RGMA: variants seen among roughly 807,000 people sequenced by gnomAD.
RGMA encodes the protein repulsive guidance molecule BMP co-receptor a, also known as repulsive guidance molecule A.
Under a neutral mutation model 23.2 loss-of-function variants are expected in RGMA, and 10 were observed. The observed-to-expected ratio is 0.43, with a 90% CI of 0.27 to 0.73. RGMA has a LOEUF of 0.73. RGMA is among the 30% of genes least tolerant of loss of function. The pLI, the probability that RGMA is intolerant of heterozygous loss-of-function variation, is 0.20. For missense variants in RGMA, 547 were observed against 630.5 expected, an observed-to-expected ratio of 0.87 and a Z score of 1.42; for synonymous variants, 308 against 279.3, an observed-to-expected ratio of 1.10 and a Z score of -1.03.
At position 93,045,903 on chromosome 15, in the gene RGMA, C is replaced by A. The variant is rs1422027868; in HGVS notation, c.646-198G>T. Among the ~76,000 whole-genome samples, 1 of 152,212 alleles carries A rather than the reference C, an allele frequency of 6.6e-6. No homozygotes were observed. The highest frequency in any genetic ancestry group is 1.5e-5 in the Non-Finnish European group (1 of 68,044). On this transcript the variant is annotated intron_variant, in intron 3 of 3. Coordinates refer to ENST00000329082, the MANE Select transcript of RGMA (RefSeq NM_020211.3). The surrounding 1 kb of genome is among the most constrained non-coding windows in gnomAD (Gnocchi z 6.9). Reference sequence around the variant, plus strand: ...ACATTCTTTCAATGAAAACAACTTGCCCTTTTTACTTTAAAAAGTGACTTA... The same window carrying A: ...ACATTCTTTCAATGAAAACAACTTGACCTTTTTACTTTAAAAAGTGACTTA...
At position 93,065,712 on chromosome 15, in the gene RGMA, G is replaced by A; in HGVS notation, c.130+7204C>T. The A allele has an allele frequency of 2.5e-6, 3 of 1,198,756 alleles. No homozygotes were observed. The South Asian group carries it at 3.6e-5, about 14-fold the overall frequency. The allele number at this position is 1,198,756 out of a possible 1,614,324, so 74.3% of individuals were successfully genotyped here. A position where few individuals can be genotyped will look rare whatever the true frequency, so the allele number is the denominator to read the frequency against. ...AGTAGGGGTGGTTTCGTGGGCCCTG[G>A]GGCTCAGGCCGGGGACCATCAGCGG... On this transcript the variant is annotated intron_variant, in intron 2 of 3. Coordinates refer to ENST00000329082, the MANE Select transcript of RGMA (RefSeq NM_020211.3).
intron 2 of RGMA, chr15:93,066,740 T>C (rs1053929820): frequency 3.0e-6 from 1 of 332,550 alleles, no homozygotes; most frequent in Middle Eastern, 1.1e-3. Flanking sequence ...CTTAAACTCC[T>C]GACCTCAAGT....
chr15:93,037,867 C>T lies in RGMA; in HGVS notation c.*7131G>A, dbSNP rs575409123. On this transcript the variant is annotated 3_prime_UTR_variant, in exon 4 of 4. Transcript: ENST00000329082. The surrounding 1 kb of genome is among the most constrained non-coding windows in gnomAD (Gnocchi z 4.3). ...GCAAGGACAGGGTGATGCTGGGCGA[C>T]ATGAATGTTTTCGCCTTGGGATCTG... 6.6e-6 allele frequency: 1 copy of T among 152,260 alleles called. No homozygotes were observed. The highest frequency in any genetic ancestry group is 1.5e-5 in the Non-Finnish European group (1 of 68,082). 9.4% of individuals were successfully genotyped at this position (152,260 alleles called of 1,614,324 possible). A position where few individuals can be genotyped will look rare whatever the true frequency, so the allele number is the denominator to read the frequency against.
chr15:93,083,691 A>T (rs1382868763), intron 1 of RGMA, among the ~76,000 whole-genome samples: 2 of 152,210 alleles, frequency 1.3e-5, no homozygotes, highest in Non-Finnish European at 2.9e-5. Context: ...AGTTGCACTG[A>T]CTGATATACA....
chr15:93,047,831 G>A (rs1596079919), intron 3 of RGMA, among the ~76,000 whole-genome samples: 1 of 152,214 alleles, frequency 6.6e-6, no homozygotes. Context: ...GATGTGTGGC[G>A]AGGGCACAGT....
chr15:93,071,642 C>G (rs1203496613), intron 2 of RGMA, among the ~76,000 whole-genome samples: 1 of 152,210 alleles, frequency 6.6e-6, no homozygotes, highest in Non-Finnish European at 1.5e-5. Context: ...TCGCTCCCTA[C>G]TGTTCACTGT....
intron 2 of RGMA, among the ~76,000 whole-genome samples, chr15:93,053,826 C>T (rs1482112105): frequency 6.6e-6 from 1 of 152,320 alleles, no homozygotes; most frequent in South Asian, 2.1e-4. Context: ...CCCCCCTTCA[C>T]GTGACCCGTT....
intron 2 of RGMA, chr15:93,066,222 G>A (rs753293445): frequency 7.1e-7 from 1 of 1,408,196 alleles, no homozygotes; most frequent in Non-Finnish European, 1.0e-6. Context: ...CATCTCCAAC[G>A]CTGCGCAGAA....
At chr15:93,085,552 C>T (rs1163447186) in intron 1 of RGMA, among the ~76,000 whole-genome samples, 1 of 152,256 alleles carries the variant, frequency 6.6e-6, no homozygotes. Flanking sequence ...TCTGCATAAA[C>T]TGTTTGCTAC....
At chr15:93,062,991 G>A (rs1303828356) in intron 2 of RGMA, 1 of 152,310 alleles carries the variant, frequency 6.6e-6, no homozygotes, top group African/African-American at 2.4e-5. Context: ...CCAGCCTAAG[G>A]ATTTCTGCTT....
rs1042979107 is a variant in RGMA, at chr15:93,045,983, G to C, written c.646-278C>G. 6.6e-6 allele frequency among the ~76,000 whole-genome samples: 1 copy of C among 152,166 alleles called. No homozygotes were observed. The highest frequency in any genetic ancestry group is 1.5e-5 in the Non-Finnish European group (1 of 68,030). The stretch of plus-strand genomic sequence containing the variant: ...AAAACTAGCTCTTTTACTATATAGG[G>C]AAGTGAACCAGAAAAATAAAAGCAT... On this transcript the variant is annotated intron_variant, in intron 3 of 3. Coordinates refer to ENST00000329082, the MANE Select transcript of RGMA (RefSeq NM_020211.3). This position sits in a 1 kb window ranked among gnomAD's most constrained non-coding sequence, Gnocchi z 6.9.
chr15:93,052,519 G>C lies in RGMA; in HGVS notation c.131-12C>G. On this transcript the variant is annotated splice_polypyrimidine_tract_variant and intron_variant, in intron 2 of 3. Coordinates refer to ENST00000329082, the MANE Select transcript of RGMA (RefSeq NM_020211.3). The stretch of plus-strand genomic sequence containing the variant: ...GCACGGGGAGGTGGCTGAGGAGAAA[G>C]GAACGAACACACCGTCGGGGTGCAG... 6.4e-7 allele frequency: 1 copy of C among 1,557,794 alleles called. No individual in the cohort carries two copies. Among genetic ancestry groups the C allele is most frequent in the Non-Finnish European group, 8.7e-7 (1 of 1,151,960 alleles).
At chr15:93,066,374 G>C in intron 2 of RGMA, 1 of 737,958 alleles carries the variant, frequency 1.4e-6, no homozygotes, top group Non-Finnish European at 2.5e-6. Flanking sequence ...GCACCAGCTT[G>C]TTCGCGTGAC....
At position 93,089,034 on chromosome 15, in the gene RGMA, C is replaced by G. The variant is rs1895690724; in HGVS notation, c.-102G>C. 3.1e-6 allele frequency: 2 copies of G among 646,528 alleles called. No homozygotes were observed. Among genetic ancestry groups the G allele is most frequent in the Admixed American group, 4.4e-5 (1 of 22,482 alleles). The allele number at this position is 646,528 out of a possible 1,614,324, so 40.0% of individuals were successfully genotyped here. ...CCCCGGGGCAAGGTGGGAGGGGCTC[C>G]GCTGGCGCTGGTCCCCGCCGCCCCG... is the stretch of plus-strand genomic sequence containing the variant. On this transcript the variant is annotated 5_prime_UTR_variant, in exon 1 of 4. Coordinates refer to ENST00000329082, the MANE Select transcript of RGMA (RefSeq NM_020211.3).
intron 1 of RGMA, among the ~76,000 whole-genome samples, chr15:93,075,073 G>A (rs1448643340): frequency 2.0e-5 from 3 of 147,926 alleles, no homozygotes; most frequent in Admixed American, 6.8e-5. Context: ...CCTTGCCCAA[G>A]AATGGACTTT....
At chr15:93,077,291 T>C (rs1158342655) in intron 1 of RGMA, among the ~76,000 whole-genome samples, 12 of 152,164 alleles carry the variant, frequency 7.9e-5, no homozygotes, top group African/African-American at 2.9e-4. Context: ...AGATTAGAGT[T>C]GCCCAGGCCC....
chr15:93,063,430 C>T (rs1485615212), intron 2 of RGMA, among the ~76,000 whole-genome samples: 3 of 152,244 alleles, frequency 2.0e-5, no homozygotes, highest in African/African-American at 4.8e-5. Flanking sequence ...GGAACAGACG[C>T]ACCACCCATA....
At chr15:93,055,129 A>G (rs2054992857) in intron 2 of RGMA, among the ~76,000 whole-genome samples, 1 of 152,048 alleles carries the variant, frequency 6.6e-6, no homozygotes, top group African/African-American at 2.4e-5. Context: ...CCTCCTCAGA[A>G]TCATGCAGAT....
At chr15:93,087,698 C>A (rs770067803) in intron 1 of RGMA, among the ~76,000 whole-genome samples, 13 of 152,132 alleles carry the variant, frequency 8.5e-5, no homozygotes, top group Non-Finnish European at 1.6e-4. Flanking sequence ...CAGATACCTG[C>A]GGAAGGGGCA....
Sources: allele counts gnomAD v4.1 joint callset (sites outside exome capture counted in the v4.1 genomes callset), GRCh38; gene constraint gnomAD v4.1.1; non-coding constraint Gnocchi (gnomAD v3.1); transcripts MANE v1.5; gene names NCBI Gene and HGNC (gene_info 2026-07-23, HGNC 2026-07-21).